Variants in BST1 observed in about 807,000 individuals in gnomAD.
BST1 encodes ADP-ribosyl cyclase/cyclic ADP-ribose hydrolase 2.
Under a neutral mutation model 40.6 loss-of-function variants are expected in BST1, and 49 were observed. The ratio of observed to expected loss-of-function variants is 1.21; its 90% CI spans 0.96 to 1.53. The LOEUF (loss-of-function observed/expected upper bound fraction) is 1.53, where lower values mean the gene tolerates loss of function less well. Among genes scored for constraint, BST1 ranks in the 40% most tolerant of loss-of-function variants. The probability of loss-of-function intolerance (pLI) is 0.00; values close to 1 mark genes in which losing one functional copy is unlikely to be tolerated. For missense variants in BST1, 423 were observed against 395.9 expected (o/e 1.07, Z -0.58); for synonymous variants, 157 against 159.3 (o/e 0.99, Z 0.11).
the BST1 span, among the ~76,000 whole-genome samples, chr4:15,748,921 C>T: frequency 3.3e-5 from 5 of 152,082 alleles, no homozygotes; most frequent in African/African-American, 1.2e-4. Context: ...GCAAGAGTCG[C>T]AGTAATTGAA....
chr4:15,741,446 C>A (rs544696472), downstream of BST1, among the ~76,000 whole-genome samples: 128 of 152,190 alleles, frequency 8.4e-4, no homozygotes, highest in Non-Finnish European at 1.5e-3. Flanking sequence ...CTGTTCACAT[C>A]CTCAATAACC....
At chr4:15,748,860 C>T in the BST1 span, among the ~76,000 whole-genome samples, 7 of 152,298 alleles carry the variant, frequency 4.6e-5, no homozygotes, top group Middle Eastern at 3.4e-3. Context: ...GCTATAATAG[C>T]GTGTAAGTCA....
At chr4:15,705,896 G>C (rs907937850) in intron 2 of BST1, among the ~76,000 whole-genome samples, 10 of 152,220 alleles carry the variant, frequency 6.6e-5, no homozygotes, top group African/African-American at 2.4e-4. Flanking sequence ...CTGGTTCACA[G>C]TTCCACAGGC....
chr4:15,768,841 A>G, the BST1 span, among the ~76,000 whole-genome samples: 67 of 151,938 alleles, frequency 4.4e-4, no homozygotes, highest in African/African-American at 9.9e-4. Context: ...TGGCTTGGGG[A>G]AAAAAAAGCC....
intron 7 of BST1, among the ~76,000 whole-genome samples, chr4:15,721,739 G>A (rs1239368493): frequency 6.6e-6 from 1 of 152,004 alleles, no homozygotes; most frequent in East Asian, 1.9e-4. Context: ...ACACCAACAT[G>A]GCATGTGTAT....
At chr4:15,703,713 TG>T (rs140146676) in intron 1 of BST1, among the ~76,000 whole-genome samples, 2 of 104,480 alleles carry the variant, frequency 1.9e-5, no homozygotes, top group Admixed American at 1.0e-4. Context: ...GCTCTAGAGG[TG>T]GGGGTGTGTG....
intron 3 of BST1, among the ~76,000 whole-genome samples, chr4:15,709,918 C>T (rs1456533091): frequency 6.6e-6 from 1 of 151,984 alleles, no homozygotes; most frequent in Non-Finnish European, 1.5e-5. Flanking sequence ...ATAGCAAAGC[C>T]AAACCATTGA....
chr4:15,746,905 T>G, the BST1 span, among the ~76,000 whole-genome samples: 5 of 152,234 alleles, frequency 3.3e-5, no homozygotes, highest in South Asian at 1.0e-3. Context: ...AGGGGGCCCA[T>G]GATTGTGTTT....
At chr4:15,764,358 C>T in the BST1 span, among the ~76,000 whole-genome samples, 2 of 152,008 alleles carry the variant, frequency 1.3e-5, no homozygotes, top group Non-Finnish European at 2.9e-5. Context: ...ATTGAGAAAG[C>T]ATTGCACAGT....
At chr4:15,769,465 G>T in the BST1 span, among the ~76,000 whole-genome samples, 1 of 152,290 alleles carries the variant, frequency 6.6e-6, no homozygotes, top group Admixed American at 6.5e-5. Flanking sequence ...GAAATTGGCT[G>T]CTTTTTGCTT....
At chr4:15,756,554 G>A in the BST1 span, among the ~76,000 whole-genome samples, 349 of 152,318 alleles carry the variant, frequency 2.3e-3, 1 homozygote, top group South Asian at 6.0e-3. Context: ...GTTAACACAT[G>A]TTGAGAAACA....
chr4:15,763,834 G>A, the BST1 span, among the ~76,000 whole-genome samples: 18 of 152,130 alleles, frequency 1.2e-4, no homozygotes, highest in African/African-American at 3.9e-4. Flanking sequence ...GTTACATACT[G>A]TATGATTCCA....
intron 4 of BST1, among the ~76,000 whole-genome samples, chr4:15,712,371 C>A (rs1273779916): frequency 1.3e-5 from 2 of 152,164 alleles, no homozygotes; most frequent in Non-Finnish European, 2.9e-5. Flanking sequence ...AGGTCTGTTT[C>A]CCAGAGAATG....
the BST1 span, among the ~76,000 whole-genome samples, chr4:15,766,751 G>T: frequency 7.2e-6 from 1 of 138,552 alleles, no homozygotes; most frequent in African/African-American, 2.8e-5. Context: ...CTGACTTGAG[G>T]AGGCACAAAA....
rs776117080 is a variant in BST1, at chr4:15,710,950, C to T, written c.452-857C>T. 3.9e-5 allele frequency among the ~76,000 whole-genome samples: 6 copies of T among 152,102 alleles called. No individual in the cohort carries two copies. In the East Asian group the frequency reaches 5.8e-4, roughly 15 times the overall value. On this transcript the variant is annotated intron_variant, in intron 3 of 8. Transcript: ENST00000265016. ...GACTACAGATGCGTGCCACCATACC[C>T]GGCTAATTTTTGTATTTTTAGTAGA...
At chr4:15,709,099 T>A (rs555190074) in intron 3 of BST1, among the ~76,000 whole-genome samples, 52 of 152,216 alleles carry the variant, frequency 3.4e-4, no homozygotes, top group African/African-American at 1.3e-3. Flanking sequence ...CAGACTGCCT[T>A]AAGATTATAA....
chr4:15,768,597 C>T, the BST1 span, among the ~76,000 whole-genome samples: 11 of 151,404 alleles, frequency 7.3e-5, no homozygotes, highest in Non-Finnish European at 1.2e-4. Context: ...GGGTTCACGC[C>T]ATTCTCCTGC....
intron 8 of BST1, chr4:15,730,926 T>A (rs887549652): frequency 1.0e-4 from 28 of 274,958 alleles, no homozygotes; most frequent in East Asian, 2.8e-4. Flanking sequence ...TTTTTTTTTT[T>A]TATACTGGTA....
At position 15,718,919 on chromosome 4, in the gene BST1, G is replaced by A. The variant is rs1720656463; in HGVS notation, c.717G>A (p.Gly239=). Residue 239 remains glycine, a synonymous_variant, in exon 7 of 9, where the codon GGG becomes GGA. Coordinates refer to ENST00000265016, the MANE Select transcript of BST1 (RefSeq NM_004334.3). The part of the protein sequence containing the change: ...EIGGPNVESC[G]EGSMKVLEKR... ...TTTCATGTTTTAGGGAATCCTGCGG[G>A]GAAGGCAGCATGAAAGTCCTGGAAA... The A allele has an allele frequency of 1.2e-6, 2 of 1,613,910 alleles. No homozygotes were observed. The highest frequency in any genetic ancestry group is 1.3e-5 in the African/African-American group (1 of 75,040).
Sources: gnomAD v4.1 joint callset for allele counts (sites outside exome capture counted in the v4.1 genomes callset) on GRCh38, gnomAD v4.1.1 for gene constraint, MANE v1.5 for transcripts, NCBI Gene and HGNC (gene_info 2026-07-23, HGNC 2026-07-21) for gene names.